Variants in ITGA2 observed in about 807,000 individuals in gnomAD.
ITGA2 encodes the protein integrin subunit alpha 2, also known as integrin alpha-2.
ITGA2 carries 101 observed loss-of-function variants against 146.3 expected under a neutral mutation model. That is an observed-to-expected ratio of 0.69 (90% CI 0.59 to 0.81). ITGA2 has a LOEUF of 0.81. Ranked by LOEUF, ITGA2 falls within the 40% of genes least tolerant of loss-of-function variation. The pLI, the probability that ITGA2 is intolerant of heterozygous loss-of-function variation, is 0.00. For missense variants in ITGA2, 1,281 were observed against 1,402.7 expected, an observed-to-expected ratio of 0.91 and a Z score of 1.39; for synonymous variants, 477 against 487.1, an observed-to-expected ratio of 0.98 and a Z score of 0.27.
intron 2 of ITGA2, among the ~76,000 whole-genome samples, chr5:53,028,419 A>T (rs530242132): frequency 6.6e-6 from 1 of 152,188 alleles, no homozygotes; most frequent in Non-Finnish European, 1.5e-5. Flanking sequence ...CTGGTTGGAA[A>T]CCAAAGATTG....
At chr5:53,009,862 C>G (rs1377294851) in intron 1 of ITGA2, among the ~76,000 whole-genome samples, 2 of 152,148 alleles carry the variant, frequency 1.3e-5, no homozygotes. Context: ...GAAGAAGGCT[C>G]TCACCAGAAC....
chr5:53,057,547 C>G (rs1421886326), intron 9 of ITGA2, among the ~76,000 whole-genome samples: 1 of 151,962 alleles, frequency 6.6e-6, no homozygotes, highest in East Asian at 1.9e-4. Flanking sequence ...AGTTATCTCC[C>G]AGCAGTCTTC....
At chr5:53,017,874 A>G (rs1429122974) in intron 1 of ITGA2, among the ~76,000 whole-genome samples, 2 of 152,080 alleles carry the variant, frequency 1.3e-5, no homozygotes, top group African/African-American at 4.8e-5. Flanking sequence ...AGGCATGGGT[A>G]AGCGCATGCT....
At chr5:53,089,384 A>C (rs927585961) in intron 28 of ITGA2, 9 of 153,392 alleles carry the variant, frequency 5.9e-5, no homozygotes, top group African/African-American at 1.9e-4. Context: ...GCCAGGAAGC[A>C]GATACAAAGA....
intron 26 of ITGA2, among the ~76,000 whole-genome samples, chr5:53,083,101 C>G (rs1044307664): frequency 1.3e-5 from 2 of 152,014 alleles, no homozygotes; most frequent in African/African-American, 4.8e-5. Flanking sequence ...TCTCCTGAGG[C>G]TATCTATACA....
At chr5:53,038,575 TC>T (rs1743615250) in intron 2 of ITGA2, among the ~76,000 whole-genome samples, 1 of 152,176 alleles carries the variant, frequency 6.6e-6, no homozygotes, top group Admixed American at 6.5e-5. Context: ...TGGTTTCTAA[TC>T]CATGCTAGTT....
intron 15 of ITGA2, 108 bp from the exon 16 acceptor site, chr5:53,067,005 GAGAGT>G: frequency 9.5e-7 from 1 of 1,047,362 alleles, no homozygotes; most frequent in Admixed American, 1.9e-5. Context: ...TGCTTTGATA[GAGAGT>G]AGAGAGAAAA....
At chr5:53,013,503 T>C (rs2111753683) in intron 1 of ITGA2, among the ~76,000 whole-genome samples, 1 of 152,298 alleles carries the variant, frequency 6.6e-6, no homozygotes, top group Admixed American at 6.5e-5. Flanking sequence ...TTGTTTTCAT[T>C]ACTGTAGCCT....
rs2111974921 is a variant in ITGA2 at position 53,065,028 on chromosome 5, T to C, written c.1719T>C (p.Ile573=). The change falls in exon 14 of 30, where the codon ATT becomes ATC. Residue 573 remains isoleucine (I), a synonymous_variant. Transcript: ENST00000296585. ...ACATGGATGGCTTTAATGATGTGATTGTTGGTTCACCACTAGAAAATCAGA... is the reference window on the plus strand; with the variant it reads ...ACATGGATGGCTTTAATGATGTGATCGTTGGTTCACCACTAGAAAATCAGA... ...DINMDGFNDV[I]VGSPLENQNS... The C allele has an allele frequency of 6.2e-7, 1 of 1,612,930 alleles. No homozygotes were observed. Among genetic ancestry groups the C allele is most frequent in the African/African-American group, 1.3e-5 (1 of 74,944 alleles).
Position 53,042,190 on chromosome 5 carries a change from C to T in ITGA2, c.264C>T (p.Ser88=). ...GDVYKCPVDL[S]TATCEKLNLQ... Reference sequence around the variant, plus strand: ...TGTATAAATGTCCTGTTGACCTATCCACTGCCACATGTGAAAAACTAAATT... The same window carrying T: ...TGTATAAATGTCCTGTTGACCTATCTACTGCCACATGTGAAAAACTAAATT... The change falls in exon 3 of 30, where the codon TCC becomes TCT. Residue 88 remains serine (S), a synonymous_variant. Coordinates refer to ENST00000296585, the MANE Select transcript of ITGA2 (RefSeq NM_002203.4). 6.2e-7 allele frequency: 1 copy of T among 1,612,698 alleles called. No homozygotes were observed. The highest frequency in any genetic ancestry group is 8.5e-7 in the Non-Finnish European group (1 of 1,178,772).
chr5:53,068,394 T>C (rs1192097148), intron 16 of ITGA2, among the ~76,000 whole-genome samples: 1 of 151,918 alleles, frequency 6.6e-6, no homozygotes, highest in African/African-American at 2.4e-5. Context: ...ATAAACATTG[T>C]GGCTAGTCTG....
At chr5:53,055,883 A>G in intron 8 of ITGA2, 101 bp from the exon 9 acceptor site, 1 of 1,324,858 alleles carries the variant, frequency 7.5e-7, no homozygotes, top group Non-Finnish European at 1.1e-6. Context: ...TGCTTGATTT[A>G]CTTTTCCAGA....
In ITGA2 at chr5:52,989,506, T is replaced by C. The variant is rs771509940; in HGVS notation, c.38T>C (p.Leu13Pro). The C allele has an allele frequency of 1.2e-6, 2 of 1,613,210 alleles. No homozygotes were observed. Among genetic ancestry groups the C allele is most frequent in the Admixed American group, 1.7e-5 (1 of 59,950 alleles). ...CGGACAGGGGCCGCGCCGCTGCCGC[T>C]GCTGCTGGTGTTAGCGCTCAGTCAA... Reference protein sequence around the residue: ...PERTGAAPLPLLLVLALSQGI... With the variant: ...PERTGAAPLPPLLVLALSQGI... Residue 13 changes from leucine to proline, a missense_variant, in exon 1 of 30, where the codon CTG becomes CCG. By Grantham distance (98) the Leu-to-Pro change is moderately conservative (BLOSUM62 -3). Transcript: ENST00000296585.
At chr5:53,077,662 G>C (rs368170522) in intron 23 of ITGA2, among the ~76,000 whole-genome samples, 1 of 152,022 alleles carries the variant, frequency 6.6e-6, no homozygotes, top group East Asian at 1.9e-4. Flanking sequence ...CATTTTCCAT[G>C]TCAGGCTGAC....
At chr5:53,035,529 G>A (rs1743446057) in intron 2 of ITGA2, among the ~76,000 whole-genome samples, 1 of 152,048 alleles carries the variant, frequency 6.6e-6, no homozygotes, top group South Asian at 2.1e-4. Context: ...AGCATAATGA[G>A]GCCTAAATAC....
chr5:53,038,337 C>T (rs981231547), intron 2 of ITGA2, among the ~76,000 whole-genome samples: 2 of 152,066 alleles, frequency 1.3e-5, no homozygotes, highest in Non-Finnish European at 2.9e-5. Flanking sequence ...TTGGTATTTG[C>T]ATTTGGTATT....
intron 17 of ITGA2, 78 bp downstream of exon 17, chr5:53,070,338 T>C: frequency 1.4e-6 from 2 of 1,438,530 alleles, no homozygotes; most frequent in Non-Finnish European, 9.8e-7. Context: ...AAATGGAAGC[T>C]TATGAGTTAG....
intron 15 of ITGA2, among the ~76,000 whole-genome samples, chr5:53,066,710 A>G (rs528040426): frequency 6.6e-6 from 1 of 152,078 alleles, no homozygotes; most frequent in South Asian, 2.1e-4. Context: ...TAAAGAATGA[A>G]GTACATTATT....
chr5:53,066,025 A>G (rs761480408), intron 15 of ITGA2, 48 bp downstream of exon 15: 2 of 1,563,658 alleles, frequency 1.3e-6, no homozygotes, highest in East Asian at 2.3e-5. Flanking sequence ...TTACCTGCTA[A>G]GAAAGCAGAA....
Sources: allele counts gnomAD v4.1 joint callset (sites outside exome capture counted in the v4.1 genomes callset), GRCh38; gene constraint gnomAD v4.1.1; transcripts MANE v1.5; gene names NCBI Gene and HGNC (gene_info 2026-07-23, HGNC 2026-07-21).